The following MLIP variants were observed in gnomAD, a reference collection of about 807,000 sequenced individuals.
The protein encoded by MLIP is muscular LMNA-interacting protein.
MLIP carries 79 observed loss-of-function variants against 84.8 expected under a neutral mutation model. The observed-to-expected ratio is 0.93, with a 90% CI of 0.78 to 1.12. The LOEUF (loss-of-function observed/expected upper bound fraction) is 1.12. MLIP is among the 50% of genes most tolerant of loss of function. The pLI is 0.00. For synonymous variants in MLIP, 504 were observed against 463.0 expected (o/e 1.09, Z -1.14); for missense variants, 1,257 against 1,160.6 (o/e 1.08, Z -1.21).
Position 54,138,288 on chromosome 6 carries a change from T to C in MLIP, c.2217+2T>C. The C allele has an allele frequency of 6.5e-7, 1 of 1,532,160 alleles. No homozygotes were observed. Among genetic ancestry groups the C allele is most frequent in the Non-Finnish European group, 8.7e-7 (1 of 1,143,968 alleles). 94.9% of individuals were successfully genotyped at this position (1,532,160 alleles called of 1,614,324 possible). On this transcript the variant is annotated splice_donor_variant, in intron 4 of 13. Coordinates refer to ENST00000502396, the MANE Select transcript of MLIP (RefSeq NM_001281747.2). LOFTEE classifies it high-confidence loss of function. ...GGCCCAGAAAATAAGAAATCAAAGG[T>C]ATTTTTTGCATGTTGCATGGTGCAT...
intron 1 of MLIP, among the ~76,000 whole-genome samples, chr6:54,026,278 AC>A (rs1047380305): frequency 4.6e-5 from 7 of 152,222 alleles, no homozygotes; most frequent in African/African-American, 1.7e-4. Flanking sequence ...AACTGAGACA[AC>A]CCTTAAGCAT....
rs1171883636 is a variant in MLIP at position 54,137,296 on chromosome 6, G to A, written c.1227G>A (p.Pro409=). Residue 409 remains proline (P), a synonymous_variant, in exon 4 of 14, where the codon CCG becomes CCA. Transcript: ENST00000502396. The part of the protein sequence containing the change: ...GNLSKSGVKS[P]VPSRLALLTA... Reference sequence around the variant, plus strand: ...TTTCAAAGTCAGGGGTAAAATCCCCGGTGCCTTCCCGGCTTGCCCTTCTCA... The same window carrying A: ...TTTCAAAGTCAGGGGTAAAATCCCCAGTGCCTTCCCGGCTTGCCCTTCTCA... 3.3e-6 allele frequency: 5 copies of A among 1,535,736 alleles called. No homozygotes were observed. Among genetic ancestry groups the A allele is most frequent in the African/African-American group, 2.7e-5 (2 of 72,946 alleles).
At position 54,103,477 on chromosome 6, in the gene MLIP, C is replaced by T. The variant is rs570707726; in HGVS notation, c.64-17970C>T. 2.0e-5 allele frequency among the ~76,000 whole-genome samples: 3 copies of T among 152,212 alleles called. No individual in the cohort carries two copies. The South Asian group carries it at 6.2e-4, about 32-fold the overall frequency. On this transcript the variant is annotated intron_variant, in intron 1 of 12. Coordinates refer to the MLIP transcript ENST00000274897. ...AAGCTCAGAGGGATTATTAATTTGC[C>T]TTGGGTTACACAGCTAGTAAGTGCA...
intron 12 of MLIP, among the ~76,000 whole-genome samples, chr6:54,239,366 T>A (rs1296037073): frequency 6.8e-6 from 1 of 146,754 alleles, no homozygotes; most frequent in East Asian, 2.0e-4. Context: ...CATATATATA[T>A]AATATATATA....
intron 8 of MLIP, among the ~76,000 whole-genome samples, chr6:54,164,722 T>C (rs1453842082): frequency 1.3e-5 from 2 of 152,118 alleles, no homozygotes; most frequent in East Asian, 3.9e-4. Context: ...ATATAGTCTG[T>C]AGTCACTTTA....
In MLIP at chr6:54,137,715, G is replaced by A. The variant is rs917427610; in HGVS notation, c.1646G>A (p.Gly549Asp). 3.3e-6 allele frequency: 5 copies of A among 1,535,926 alleles called. No homozygotes were observed. The African/African-American group carries it at 5.5e-5, about 17-fold the overall frequency. ...LLQTSTSSSV[G>D]LPPVPPSSSL... ...CAAACCAGTACATCCAGTTCTGTGG[G>A]TCTTCCTCCTGTTCCACCAAGCTCT... The change falls in exon 4 of 14, where the codon GGT becomes GAT. Residue 549 changes from glycine to aspartate, a missense_variant. Coordinates refer to ENST00000502396, the MANE Select transcript of MLIP (RefSeq NM_001281747.2).
At chr6:54,194,290 G>A (rs1346662902) in intron 10 of MLIP, among the ~76,000 whole-genome samples, 1 of 152,124 alleles carries the variant, frequency 6.6e-6, no homozygotes, top group Non-Finnish European at 1.5e-5. Context: ...TAGAACCGAT[G>A]TCTCCTTCAA....
At chr6:54,236,977 T>G (rs549464538) in intron 12 of MLIP, among the ~76,000 whole-genome samples, 1 of 152,104 alleles carries the variant, frequency 6.6e-6, no homozygotes, top group African/African-American at 2.4e-5. Flanking sequence ...GGAGAAATGG[T>G]TTAGTATTCA....
chr6:54,162,647 A>G (rs971460186), intron 8 of MLIP, among the ~76,000 whole-genome samples: 4 of 151,942 alleles, frequency 2.6e-5, no homozygotes, highest in African/African-American at 9.7e-5. Context: ...GGGTGCGGGT[A>G]GTGAAGGAGA....
intron 1 of MLIP, among the ~76,000 whole-genome samples, chr6:54,072,476 A>T (rs1766546662): frequency 6.6e-6 from 1 of 152,172 alleles, no homozygotes. Flanking sequence ...CAATTTGGAG[A>T]TAGAGGAATC....
intron 1 of MLIP, among the ~76,000 whole-genome samples, chr6:54,057,739 T>G (rs554068310): frequency 6.6e-6 from 1 of 152,200 alleles, no homozygotes; most frequent in South Asian, 2.1e-4. Context: ...TTTTAAACAT[T>G]GGATTAATTT....
chr6:54,129,824 A>G (rs1280044278), intron 3 of MLIP, among the ~76,000 whole-genome samples: 2 of 152,154 alleles, frequency 1.3e-5, no homozygotes, highest in Admixed American at 6.5e-5. Context: ...TGACTGTGCA[A>G]GAATAGGTGA....
At chr6:54,168,222 A>G (rs1181950803) in intron 8 of MLIP, among the ~76,000 whole-genome samples, 5 of 151,738 alleles carry the variant, frequency 3.3e-5, no homozygotes, top group Non-Finnish European at 5.9e-5. Context: ...AATGCTCTTT[A>G]TCTAGAATAC....
upstream of MLIP, among the ~76,000 whole-genome samples, chr6:54,109,275 A>ACCCT: frequency 6.6e-6 from 1 of 152,074 alleles, no homozygotes. Flanking sequence ...TTATAAAACT[A>ACCCT]GAAAACAACA....
At chr6:54,190,058 C>A in intron 10 of MLIP, 144 bp downstream of exon 10, 1 of 617,338 alleles carries the variant, frequency 1.6e-6, no homozygotes, top group Non-Finnish European at 2.7e-6. Flanking sequence ...TGATATTTTC[C>A]AAAAGCTCCA....
intron 1 of MLIP, among the ~76,000 whole-genome samples, chr6:54,054,063 C>T (rs765083712): frequency 2.0e-5 from 3 of 152,204 alleles, no homozygotes; most frequent in Non-Finnish European, 2.9e-5. Context: ...GTGCCACTCA[C>T]TGGTGCTCAG....
At chr6:54,227,501 A>T (rs1014035772) in intron 11 of MLIP, among the ~76,000 whole-genome samples, 1 of 152,220 alleles carries the variant, frequency 6.6e-6, no homozygotes, top group African/African-American at 2.4e-5. Context: ...TTCCTACAAA[A>T]GTAGATGAAG....
chr6:54,160,757 T>C lies in MLIP; in HGVS notation c.2457T>C (p.Pro819=). 1.3e-6 allele frequency: 2 copies of C among 1,599,724 alleles called. No homozygotes were observed. Among genetic ancestry groups the C allele is most frequent in the Non-Finnish European group, 1.7e-6 (2 of 1,167,636 alleles). Residue 819 remains proline, a synonymous_variant, in exon 8 of 14, where the codon CCT becomes CCC. Transcript: ENST00000502396. ...TTTTTCAGCATTCTTCTGATTCTCC[T>C]TCAAGGTCCCCAAAGACATTGTTGG... The part of the protein sequence containing the change: ...DSLSMHSSDS[P]SRSPKTLLGS...
chr6:54,201,136 A>T (rs1277486307), intron 10 of MLIP, among the ~76,000 whole-genome samples: 1 of 152,200 alleles, frequency 6.6e-6, no homozygotes, highest in Non-Finnish European at 1.5e-5. Flanking sequence ...TGTTTGTGAA[A>T]CATCACATTT....
Sources: allele counts gnomAD v4.1 joint callset (sites outside exome capture counted in the v4.1 genomes callset), GRCh38; gene constraint gnomAD v4.1.1; transcripts MANE v1.5; gene names NCBI Gene and HGNC (gene_info 2026-07-23, HGNC 2026-07-21).